PTPRK: variants seen among roughly 807,000 people sequenced by gnomAD.
PTPRK encodes the protein protein tyrosine phosphatase receptor type K.
A neutral mutation model predicts 178.0 loss-of-function variants in PTPRK; 75 were observed. The observed-to-expected ratio is 0.42, with a 90% CI of 0.35 to 0.51. PTPRK has a LOEUF of 0.51. Among genes scored for constraint, PTPRK ranks in the 20% least tolerant of loss-of-function variants. PTPRK has a pLI of 0.02. For synonymous variants in PTPRK, 637 were observed against 620.6 expected (o/e 1.03, Z -0.39); for missense variants, 1,441 against 1,797.8 (o/e 0.80, Z 3.59).
chr6:128,392,554 T>A (rs1215523053), intron 2 of PTPRK, among the ~76,000 whole-genome samples: 3 of 152,170 alleles, frequency 2.0e-5, no homozygotes, highest in Admixed American at 1.3e-4. Flanking sequence ...AGTAAAATGG[T>A]CAAATAAATT....
chr6:128,453,751 C>T (rs1848071441), intron 1 of PTPRK, among the ~76,000 whole-genome samples: 1 of 152,096 alleles, frequency 6.6e-6, no homozygotes, highest in African/African-American at 2.4e-5. Context: ...GGGATGTATC[C>T]AAGCTCTACA....
At chr6:128,101,331 AT>A (rs1241469366) in intron 7 of PTPRK, among the ~76,000 whole-genome samples, 1 of 152,086 alleles carries the variant, frequency 6.6e-6, no homozygotes, top group Non-Finnish European at 1.5e-5. Context: ...AACAAGATTC[AT>A]CATCATTTTC....
At chr6:128,436,288 T>C (rs1321898764) in intron 1 of PTPRK, among the ~76,000 whole-genome samples, 1 of 152,160 alleles carries the variant, frequency 6.6e-6, no homozygotes, top group African/African-American at 2.4e-5. Flanking sequence ...AAAACTATAC[T>C]AACAAGTAAA....
At chr6:128,384,582 G>A (rs921291856) in intron 2 of PTPRK, among the ~76,000 whole-genome samples, 1 of 152,116 alleles carries the variant, frequency 6.6e-6, no homozygotes, top group Non-Finnish European at 1.5e-5. Context: ...AGTGGAAAGA[G>A]TTTGTTGTGA....
At chr6:128,013,017 C>T (rs541970032) in intron 13 of PTPRK, among the ~76,000 whole-genome samples, 23 of 151,248 alleles carry the variant, frequency 1.5e-4, no homozygotes, top group African/African-American at 5.1e-4. Context: ...CCCATCCACA[C>T]CAAACCACCA....
At chr6:128,003,065 T>C (rs1778019967) in intron 15 of PTPRK, 4 of 823,482 alleles carry the variant, frequency 4.9e-6, no homozygotes, top group Non-Finnish European at 5.9e-6. Flanking sequence ...GTTGCTCTCT[T>C]TGATAATACC....
Position 128,414,734 on chromosome 6 carries a change from C to T in PTPRK, c.101-17046G>A, listed in dbSNP as rs188183230. On this transcript the variant is annotated intron_variant, in intron 1 of 29. Transcript: ENST00000368226. ...TGCTTGCTTCATAAAGTAACCTAAACGGTTTTATTAAGTCACATATTATGT... is the reference window on the plus strand; with the variant it reads ...TGCTTGCTTCATAAAGTAACCTAAATGGTTTTATTAAGTCACATATTATGT... Among the ~76,000 whole-genome samples, 856 of 152,138 alleles carry T rather than the reference C, an allele frequency of 5.6e-3. 4 individuals carry two copies. Among genetic ancestry groups the T allele is most frequent in the Middle Eastern group, 0.01 (3 of 294 alleles).
At chr6:128,508,341 T>G (rs921716717) in intron 1 of PTPRK, among the ~76,000 whole-genome samples, 1 of 151,038 alleles carries the variant, frequency 6.6e-6, no homozygotes, top group African/African-American at 2.4e-5. Flanking sequence ...AGTGAAAGAA[T>G]AAATGAAAGG....
intron 1 of PTPRK, among the ~76,000 whole-genome samples, chr6:128,495,311 A>G (rs1854492584): frequency 6.6e-6 from 1 of 152,358 alleles, no homozygotes; most frequent in East Asian, 1.9e-4. Context: ...GTACATAGAT[A>G]TATACTTTAA....
intron 1 of PTPRK, among the ~76,000 whole-genome samples, chr6:128,439,274 G>A (rs1267928861): frequency 6.6e-6 from 1 of 152,126 alleles, no homozygotes; most frequent in Non-Finnish European, 1.5e-5. Context: ...GAGCACGGTA[G>A]ATAACACCTG....
intron 24 of PTPRK, among the ~76,000 whole-genome samples, chr6:127,982,065 G>T (rs909747487): frequency 6.6e-6 from 1 of 151,998 alleles, no homozygotes; most frequent in African/African-American, 2.4e-5. Flanking sequence ...GTCTTGAACT[G>T]CTGACCTCAA....
intron 6 of PTPRK, among the ~76,000 whole-genome samples, chr6:128,199,789 A>G (rs2128256871): frequency 6.6e-6 from 1 of 152,258 alleles, no homozygotes; most frequent in Admixed American, 6.5e-5. Flanking sequence ...TCCTAAATCA[A>G]TCACAAACAT....
chr6:127,995,145 A>G, intron 18 of PTPRK: 1 of 1,125,270 alleles, frequency 8.9e-7, no homozygotes, highest in Non-Finnish European at 1.3e-6. Context: ...AATTAGGTGA[A>G]GCATGCAGAA....
At chr6:128,274,063 C>T (rs1275917083) in intron 3 of PTPRK, among the ~76,000 whole-genome samples, 2 of 151,884 alleles carry the variant, frequency 1.3e-5, no homozygotes, top group Non-Finnish European at 2.9e-5. Context: ...GATCAAGACT[C>T]TGTTATGCAA....
intron 7 of PTPRK, among the ~76,000 whole-genome samples, chr6:128,100,055 C>T (rs369665725): frequency 2.8e-4 from 42 of 151,870 alleles, no homozygotes; most frequent in African/African-American, 9.7e-4. Flanking sequence ...ATCTAGTGCA[C>T]CAAAACATGA....
At position 127,998,152 on chromosome 6, in the gene PTPRK, G is replaced by A. The variant is rs142582865; in HGVS notation, c.2679+568C>T. Among the ~76,000 whole-genome samples the A allele has an allele frequency of 7.9e-4, 121 of 152,214 alleles. 2 individuals carry two copies. The highest frequency in any genetic ancestry group is 2.9e-3 in the African/African-American group (119 of 41,560). On this transcript the variant is annotated intron_variant, in intron 16 of 29. Transcript: ENST00000368226. ...GTAGGAAGGGGAAATAAGGTTGGAA[G>A]AAGAATTTCCCACTGCCTTCTTTTG...
chr6:128,365,529 G>C (rs2128344701), intron 2 of PTPRK, among the ~76,000 whole-genome samples: 1 of 152,166 alleles, frequency 6.6e-6, no homozygotes, highest in Admixed American at 6.6e-5. Flanking sequence ...ATGAAGTGGA[G>C]GTGGTATTAC....
At chr6:128,270,397 T>C (rs1401241390) in intron 3 of PTPRK, among the ~76,000 whole-genome samples, 41 of 152,230 alleles carry the variant, frequency 2.7e-4, no homozygotes, top group Non-Finnish European at 8.8e-5. Context: ...AAATGCTTCA[T>C]TAAATTAGTG....
At chr6:128,074,133 A>G (rs528482546) in intron 11 of PTPRK, among the ~76,000 whole-genome samples, 10 of 152,048 alleles carry the variant, frequency 6.6e-5, no homozygotes, top group African/African-American at 1.9e-4. Flanking sequence ...TTTCATGACT[A>G]TATTTTAATT....
Sources: allele counts gnomAD v4.1 joint callset (sites outside exome capture counted in the v4.1 genomes callset), GRCh38; gene constraint gnomAD v4.1.1; transcripts MANE v1.5; gene names NCBI Gene and HGNC (gene_info 2026-07-23, HGNC 2026-07-21).